The following BICRA variants were observed in gnomAD, a reference collection of about 807,000 sequenced individuals.
The protein encoded by BICRA is BRD4-interacting chromatin-remodeling complex-associated protein.
A neutral mutation model predicts 96.9 loss-of-function variants in BICRA; 31 were observed. The ratio of observed to expected loss-of-function variants is 0.32; its 90% CI spans 0.24 to 0.43. The LOEUF (loss-of-function observed/expected upper bound fraction) is 0.43, where lower values mean the gene tolerates loss of function less well. Ranked by LOEUF, BICRA falls within the 20% of genes least tolerant of loss-of-function variation. The pLI, the probability that BICRA is intolerant of heterozygous loss-of-function variation, is 1.00. For synonymous variants in BICRA, 1,350 were observed against 1,071.8 expected (o/e 1.26, Z -5.07); for missense variants, 2,283 against 2,190.3 (o/e 1.04, Z -0.84).
At position 47,642,966 on chromosome 19, in the gene BICRA, T is replaced by G. The variant is rs115128975; in HGVS notation, c.-107-27477T>G. Among the ~76,000 whole-genome samples the G allele has an allele frequency of 7.5e-3, 1,144 of 152,372 alleles. 7 individuals are homozygous for G. Among genetic ancestry groups the G allele is most frequent in the Middle Eastern group, 0.054 (16 of 294 alleles). ...TGTTTGCATACCTTCTTTTGCTCAT[T>G]TTAAATTGGATCATTTGTTGTCTCT... On this transcript the variant is annotated intron_variant, in intron 1 of 14. Coordinates refer to ENST00000594866, the MANE Select transcript of BICRA (RefSeq NM_001394372.1).
chr19:47,634,216 G>A (rs1972265159), intron 1 of BICRA, among the ~76,000 whole-genome samples: 1 of 152,188 alleles, frequency 6.6e-6, no homozygotes, highest in African/African-American at 2.4e-5. Flanking sequence ...GGGCAGTGCG[G>A]CTTCTGGAAC....
chr19:47,658,790 A>G (rs1209200261), intron 1 of BICRA, among the ~76,000 whole-genome samples: 2 of 152,118 alleles, frequency 1.3e-5, no homozygotes, highest in Admixed American at 6.6e-5. Flanking sequence ...TCAAATCTGT[A>G]TTAGGAACCA....
rs761562412 is a variant in BICRA at position 47,680,763 on chromosome 19, C to A, written c.1593C>A (p.Ala531=). The change falls in exon 6 of 15, where the codon GCC becomes GCA. Residue 531 remains alanine, a synonymous_variant. Transcript: ENST00000594866. ...AGPLSLGPVL[A]PHSGAHSAHI... is the part of the protein sequence containing the mutation. ...CACTGAGCCTGGGCCCCGTGTTGGC[C>A]CCCCACTCCGGGGCCCACAGCGCGC... is the stretch of plus-strand genomic sequence containing the variant. 6.2e-7 allele frequency: 1 copy of A among 1,609,924 alleles called. No individual in the cohort carries two copies. Among genetic ancestry groups the A allele is most frequent in the Non-Finnish European group, 8.5e-7 (1 of 1,178,748 alleles).
chr19:47,633,093 T>C (rs1408633976), intron 1 of BICRA, among the ~76,000 whole-genome samples: 3 of 146,376 alleles, frequency 2.0e-5, no homozygotes, highest in Admixed American at 6.8e-5. Flanking sequence ...TTTTTTTTTT[T>C]TTTTTTTGAG....
intron 1 of BICRA, among the ~76,000 whole-genome samples, chr19:47,633,238 C>G (rs143673889): frequency 0.017 from 2,574 of 151,914 alleles, 31 homozygotes; most frequent in Non-Finnish European, 0.027. Flanking sequence ...CGCCACCACG[C>G]CCGACTAATT....
intron 1 of BICRA, among the ~76,000 whole-genome samples, chr19:47,625,745 A>G (rs1031155411): frequency 1.3e-5 from 2 of 151,930 alleles, no homozygotes; most frequent in Non-Finnish European, 2.9e-5. Context: ...CAGTTTGCGA[A>G]GTGGAGAGGG....
At chr19:47,692,191 G>C (rs1349792813) in intron 7 of BICRA, among the ~76,000 whole-genome samples, 1 of 151,688 alleles carries the variant, frequency 6.6e-6, no homozygotes, top group Non-Finnish European at 1.5e-5. Flanking sequence ...TATTGTAAAT[G>C]CTCCCAAAGT....
intron 11 of BICRA, among the ~76,000 whole-genome samples, chr19:47,697,013 G>GC (rs970326411): frequency 2.3e-4 from 35 of 150,632 alleles, no homozygotes; most frequent in Non-Finnish European, 4.4e-4. Context: ...TTTGTTTTAG[G>GC]GGGGGTTCTT....
At chr19:47,674,363 G>A (rs879674470) in intron 4 of BICRA, among the ~76,000 whole-genome samples, 7 of 149,248 alleles carry the variant, frequency 4.7e-5, no homozygotes, top group Admixed American at 1.3e-4. Context: ...TATTCTGAAT[G>A]TGACAGGCAG....
chr19:47,614,164 T>C (rs1599777884), intron 1 of BICRA, among the ~76,000 whole-genome samples: 2 of 152,094 alleles, frequency 1.3e-5, no homozygotes, highest in African/African-American at 4.8e-5. Flanking sequence ...TTCCTTTTGT[T>C]CTAAGTGATA....
chr19:47,684,805 A>G (rs1973120207), intron 7 of BICRA, among the ~76,000 whole-genome samples: 1 of 152,078 alleles, frequency 6.6e-6, no homozygotes, highest in Non-Finnish European at 1.5e-5. Flanking sequence ...GTCTTGAGAA[A>G]GCCAGACCTG....
In BICRA at chr19:47,681,134, C is replaced by T; in HGVS notation, c.1964C>T (p.Ala655Val). The T allele has an allele frequency of 6.7e-7, 1 of 1,492,664 alleles. No individual in the cohort carries two copies. Among genetic ancestry groups the T allele is most frequent in the Admixed American group, 2.0e-5 (1 of 48,872 alleles). The allele number at this position is 1,492,664 out of a possible 1,614,324, so 92.5% of individuals were successfully genotyped here. The change falls in exon 6 of 15, where the codon GCC becomes GTC. Residue 655 changes from alanine (A) to valine (V), a missense_variant. Ala to Val is a moderately conservative substitution (Grantham distance 64, BLOSUM62 0). Coordinates refer to ENST00000594866, the MANE Select transcript of BICRA (RefSeq NM_001394372.1). Reference protein sequence around the residue: ...QQPPQAPTPQAAAPPQATTPQ... With the variant: ...QQPPQAPTPQVAAPPQATTPQ... ...CCCCCGCAGGCCCCCACCCCACAGG[C>T]CGCCGCCCCGCCTCAGGCCACCACC...
intron 7 of BICRA, among the ~76,000 whole-genome samples, chr19:47,690,209 C>T (rs1017020297): frequency 1.6e-4 from 24 of 152,158 alleles, no homozygotes; most frequent in African/African-American, 5.3e-4. Flanking sequence ...ACCATGTTGG[C>T]CAGGCTGGTC....
chr19:47,608,228 G>A (rs897576004), upstream of BICRA: 3 of 152,430 alleles, frequency 2.0e-5, no homozygotes, highest in Admixed American at 1.3e-4. Flanking sequence ...CAGGCTCCGA[G>A]GCAGGCCCGA....
intron 7 of BICRA, among the ~76,000 whole-genome samples, chr19:47,684,832 T>C (rs1419737473): frequency 1.3e-5 from 2 of 152,224 alleles, no homozygotes; most frequent in African/African-American, 4.8e-5. Flanking sequence ...AATCCAGCTC[T>C]GCTTAGTGGA....
intron 1 of BICRA, among the ~76,000 whole-genome samples, chr19:47,643,360 G>C (rs186138895): frequency 6.6e-6 from 1 of 152,184 alleles, no homozygotes; most frequent in Non-Finnish European, 1.5e-5. Flanking sequence ...CTGGGGCCCC[G>C]GTGTGCTGCC....
At position 47,699,208 on chromosome 19, in the gene BICRA, G is replaced by T; in HGVS notation, c.3493-95G>T. 1.1e-6 allele frequency: 1 copy of T among 874,248 alleles called. No homozygotes were observed. Among genetic ancestry groups the T allele is most frequent in the Non-Finnish European group, 1.9e-6 (1 of 533,930 alleles). The allele number at this position is 874,248 out of a possible 1,614,324, so 54.2% of individuals were successfully genotyped here. ...AGGGAGGCGGGAGCTCCCATCACAA[G>T]GACAGTTTGGACCTTGCACGCATCG... On this transcript the variant is annotated intron_variant, in intron 13 of 14. Transcript: ENST00000594866. The surrounding 1 kb of genome is among the most constrained non-coding windows in gnomAD (Gnocchi z 5.0).
chr19:47,619,157 A>ATACT (rs1568546431), intron 1 of BICRA, among the ~76,000 whole-genome samples: 1 of 151,496 alleles, frequency 6.6e-6, no homozygotes, highest in East Asian at 1.9e-4. Flanking sequence ...TTTTGTGTGT[A>ATACT]TACTTACTCT....
In BICRA at chr19:47,697,773, C is replaced by T. The variant is rs931882653; in HGVS notation, c.3249-861C>T. ...GAGTACAAGTGTGAGCCACCATGCCCGGCCTAGGTTGGTCTGAAACTCCTA... is the reference window on the plus strand; with the variant it reads ...GAGTACAAGTGTGAGCCACCATGCCTGGCCTAGGTTGGTCTGAAACTCCTA... On this transcript the variant is annotated intron_variant, in intron 11 of 14. Coordinates refer to ENST00000594866, the MANE Select transcript of BICRA (RefSeq NM_001394372.1). Among the ~76,000 whole-genome samples the T allele has an allele frequency of 4.6e-5, 7 of 152,284 alleles. No individual in the cohort carries two copies. The East Asian group carries it at 5.8e-4, about 13-fold the overall frequency.
Sources: allele counts gnomAD v4.1 joint callset (sites outside exome capture counted in the v4.1 genomes callset), GRCh38; gene constraint gnomAD v4.1.1; non-coding constraint Gnocchi (gnomAD v3.1); transcripts MANE v1.5; gene names NCBI Gene and HGNC (gene_info 2026-07-23, HGNC 2026-07-21).